Variants in BCKDHA observed in about 807,000 individuals in gnomAD.
BCKDHA encodes the protein branched chain keto acid dehydrogenase E1 subunit alpha.
BCKDHA carries 43 observed loss-of-function variants against 52.2 expected under a neutral mutation model. The observed-to-expected ratio is 0.82, with a 90% confidence interval of 0.64 to 1.06. The LOEUF (loss-of-function observed/expected upper bound fraction) is 1.06, where lower values mean the gene tolerates loss of function less well. Among genes scored for constraint, BCKDHA ranks in the 50% least tolerant of loss-of-function variants. The pLI, the probability that BCKDHA is intolerant of heterozygous loss-of-function variation, is 0.00. For synonymous variants in BCKDHA, 234 were observed against 247.9 expected (o/e 0.94, Z 0.53); for missense variants, 527 against 621.3 (o/e 0.85, Z 1.61).
intron 1 of BCKDHA, chr19:41,400,375 G>C (rs1236540618): frequency 6.6e-6 from 1 of 151,974 alleles, no homozygotes; most frequent in Admixed American, 6.6e-5. Flanking sequence ...AAATAGCTGG[G>C]ACTACTGGCG....
At chr19:41,401,684 G>A (rs992424605) in intron 1 of BCKDHA, among the ~76,000 whole-genome samples, 1 of 152,182 alleles carries the variant, frequency 6.6e-6, no homozygotes, top group African/African-American at 2.4e-5. Context: ...GGAATTGTGA[G>A]TCAGTTTCTC....
chr19:41,412,827 C>T (rs1017695071), intron 3 of BCKDHA, among the ~76,000 whole-genome samples: 2 of 152,130 alleles, frequency 1.3e-5, no homozygotes, highest in Non-Finnish European at 2.9e-5. Flanking sequence ...CCTTAGCCCC[C>T]CAAGTAGCTG....
At chr19:41,411,509 G>GC (rs1427536918) in intron 3 of BCKDHA, among the ~76,000 whole-genome samples, 1 of 83,204 alleles carries the variant, frequency 1.2e-5, no homozygotes, top group Non-Finnish European at 2.3e-5. Flanking sequence ...GCTAGATCCA[G>GC]GGGGTCTTCC....
At chr19:41,419,338 T>C (rs1314753568) in intron 5 of BCKDHA, 42 bp downstream of exon 5, 12 of 1,583,332 alleles carry the variant, frequency 7.6e-6, no homozygotes, top group South Asian at 1.1e-5. Flanking sequence ...TGCAGACCAA[T>C]GTCACACCCC....
rs10406198 is a variant in BCKDHA at position 41,413,887 on chromosome 19, G to A, written c.376-162G>A. Among the ~76,000 whole-genome samples the A allele has an allele frequency of 6.9e-3, 1,052 of 152,284 alleles. 17 individuals carry two copies. Among genetic ancestry groups the A allele is most frequent in the African/African-American group, 0.024 (1,005 of 41,556 alleles). ...TGGCAGTTCTAAGCAGTCTGGCAGCGTCTTCTTAAAGGCAGGAACCCCAGC... is the reference window on the plus strand; with the variant it reads ...TGGCAGTTCTAAGCAGTCTGGCAGCATCTTCTTAAAGGCAGGAACCCCAGC... On this transcript the variant is annotated intron_variant, in intron 3 of 8. Transcript: ENST00000269980.
chr19:41,422,644 G>A lies in BCKDHA; in HGVS notation c.869G>A (p.Gly290Glu), dbSNP rs1279094450. The change falls in exon 7 of 9, where the codon GGG (glycine) becomes GAG (glutamate). Residue 290 changes from glycine (G) to glutamate (E), a missense_variant. Coordinates refer to ENST00000269980, the MANE Select transcript of BCKDHA (RefSeq NM_000709.4). ...GTCCCCACAGCAGCACGAGGCCCCGGGTATGGCATCATGTCAATCCGCGTG... is the reference window on the plus strand; with the variant it reads ...GTCCCCACAGCAGCACGAGGCCCCGAGTATGGCATCATGTCAATCCGCGTG... ...RGDGIAARGP[G>E]YGIMSIRVDG... is the part of the protein sequence containing the mutation. 6.2e-7 allele frequency: 1 copy of A among 1,614,058 alleles called. No homozygotes were observed. The highest frequency in any genetic ancestry group is 1.1e-5 in the South Asian group (1 of 91,078).
At chr19:41,401,939 C>G (rs2039143355) in intron 1 of BCKDHA, among the ~76,000 whole-genome samples, 1 of 152,140 alleles carries the variant, frequency 6.6e-6, no homozygotes, top group Non-Finnish European at 1.5e-5. Flanking sequence ...TTTCAGGCTG[C>G]TAATAAAAAC....
At chr19:41,409,998 G>A (rs900094684) in intron 1 of BCKDHA, among the ~76,000 whole-genome samples, 1 of 151,986 alleles carries the variant, frequency 6.6e-6, no homozygotes, top group Non-Finnish European at 1.5e-5. Flanking sequence ...ACAGGGTTTC[G>A]CCATGTTGGC....
At chr19:41,403,766 C>G (rs766926270) in intron 1 of BCKDHA, among the ~76,000 whole-genome samples, 1 of 152,332 alleles carries the variant, frequency 6.6e-6, no homozygotes, top group Non-Finnish European at 1.5e-5. Flanking sequence ...GATGCCATCC[C>G]CACGAGGGCA....
At chr19:41,411,843 G>A (rs1599953867) in intron 3 of BCKDHA, among the ~76,000 whole-genome samples, 1 of 152,288 alleles carries the variant, frequency 6.6e-6, no homozygotes, top group East Asian at 1.9e-4. Context: ...AACCTGGACA[G>A]TCCTGCCAGG....
intron 8 of BCKDHA, 65 bp from the exon 9 acceptor site, chr19:41,424,373 G>A (rs1040274797): frequency 1.4e-5 from 23 of 1,594,604 alleles, no homozygotes; most frequent in East Asian, 6.7e-5. Flanking sequence ...CCAAGGCCCC[G>A]CAGGAGGAAG....
intron 3 of BCKDHA, 71 bp downstream of exon 3, chr19:41,411,080 G>C: frequency 6.6e-7 from 1 of 1,516,698 alleles, no homozygotes; most frequent in South Asian, 1.1e-5. Context: ...TTGGGCCAAA[G>C]GAATGGCTCC....
rs778191834 is a variant in BCKDHA at position 41,414,118 on chromosome 19, G to C, written c.445G>C (p.Asp149His). The change falls in exon 4 of 9, where the codon GAC becomes CAC. Residue 149 changes from aspartate to histidine, a missense_variant. Physicochemically the swap from Asp to His is moderately conservative, Grantham distance 81 (BLOSUM62 -1). Coordinates refer to ENST00000269980, the MANE Select transcript of BCKDHA (RefSeq NM_000709.4). ...GTHVGSAAALDNTDLVFGQYR... is the reference protein window; with the variant it reads ...GTHVGSAAALHNTDLVFGQYR... ...GCACGTGGGGAGTGCCGCCGCCCTG[G>C]ACAACACGGACCTGGTGTTTGGCCA... 6 of 1,613,604 alleles carry C rather than the reference G, an allele frequency of 3.7e-6. No homozygotes were observed.
intron 4 of BCKDHA, 37 bp downstream of exon 4, chr19:41,414,194 T>A (rs202211537): frequency 6.3e-7 from 1 of 1,581,214 alleles, no homozygotes; most frequent in East Asian, 2.2e-5. Context: ...TGGTCCCCAT[T>A]GAAGTGTACA....
intron 1 of BCKDHA, 26 bp from the exon 2 acceptor site, chr19:41,410,611 G>A (rs760791787): frequency 1.2e-6 from 2 of 1,613,664 alleles, no homozygotes; most frequent in Admixed American, 1.7e-5. Context: ...TCTGATGCAG[G>A]TGGTCTCCTC....
intron 4 of BCKDHA, chr19:41,418,602 G>A: frequency 2.8e-6 from 1 of 359,688 alleles, no homozygotes. Flanking sequence ...CACGATCTCA[G>A]CTGCCTGCAG....
intron 8 of BCKDHA, among the ~76,000 whole-genome samples, chr19:41,423,419 G>T (rs2039391893): frequency 6.6e-6 from 1 of 152,216 alleles, no homozygotes; most frequent in South Asian, 2.1e-4. Flanking sequence ...TTGAGACTGG[G>T]CATGGTGGCT....
intron 3 of BCKDHA, 63 bp from the exon 4 acceptor site, chr19:41,413,986 A>G (rs983851843): frequency 1.4e-6 from 2 of 1,386,294 alleles, no homozygotes; most frequent in Non-Finnish European, 2.1e-6. Context: ...CAGGATTTGG[A>G]TGGCTCTCTG....
intron 3 of BCKDHA, among the ~76,000 whole-genome samples, chr19:41,412,229 C>T (rs1315250937): frequency 6.7e-6 from 1 of 150,146 alleles, no homozygotes; most frequent in Middle Eastern, 3.2e-3. Flanking sequence ...TCCTCCCAGG[C>T]GTGCTCCTTT....
Sources: allele counts gnomAD v4.1 joint callset (sites outside exome capture counted in the v4.1 genomes callset), GRCh38; gene constraint gnomAD v4.1.1; transcripts MANE v1.5; gene names NCBI Gene and HGNC (gene_info 2026-07-23, HGNC 2026-07-21).